The following MAP1B variants were observed in gnomAD, a reference collection of about 807,000 sequenced individuals.
The protein encoded by MAP1B is microtubule-associated protein 1B.
In MAP1B, 12 loss-of-function variants were observed where a neutral mutation model predicts 176.1. That is an observed-to-expected ratio of 0.07 (90% confidence interval 0.04 to 0.11). MAP1B has a LOEUF of 0.11. Among genes scored for constraint, MAP1B ranks in the 10% least tolerant of loss-of-function variants. MAP1B has a pLI of 1.00. For missense variants in MAP1B, 2,523 were observed against 2,990.5 expected, an observed-to-expected ratio of 0.84 and a Z score of 3.65; for synonymous variants, 1,044 against 1,135.0, an observed-to-expected ratio of 0.92 and a Z score of 1.61.
intron 2 of MAP1B, among the ~76,000 whole-genome samples, chr5:72,125,755 T>G (rs1745616745): frequency 6.6e-6 from 1 of 152,206 alleles, no homozygotes; most frequent in South Asian, 2.1e-4. Flanking sequence ...CAGATCCTAA[T>G]GCACTGAATC....
intron 4 of MAP1B, among the ~76,000 whole-genome samples, chr5:72,189,620 A>G (rs996725059): frequency 6.6e-6 from 1 of 152,052 alleles, no homozygotes; most frequent in African/African-American, 2.4e-5. Flanking sequence ...ACGTGCGGCT[A>G]GGAGTTCTAG....
chr5:72,192,824 G>A (rs139497503), intron 4 of MAP1B, among the ~76,000 whole-genome samples: 103 of 152,382 alleles, frequency 6.8e-4, no homozygotes, highest in African/African-American at 2.5e-3. Context: ...GCTAGGCTAA[G>A]ACCATGAAAT....
chr5:72,202,093 T>C (rs1459759580), intron 5 of MAP1B, among the ~76,000 whole-genome samples: 3 of 152,142 alleles, frequency 2.0e-5, no homozygotes, highest in Admixed American at 6.6e-5. Flanking sequence ...ATGAGTTAAT[T>C]TTCATTTATT....
At position 72,198,762 on chromosome 5, in the gene MAP1B, T is replaced by G; in HGVS notation, c.5407T>G (p.Ser1803Ala). 2 of 1,614,210 alleles carry G rather than the reference T, an allele frequency of 1.2e-6. No individual in the cohort carries two copies. Among genetic ancestry groups the G allele is most frequent in the Non-Finnish European group, 1.7e-6 (2 of 1,180,044 alleles). The change falls in exon 5 of 7, where the codon TCT becomes GCT. Residue 1803 changes from serine to alanine, a missense_variant. This residue lies in a region of MAP1B where 1,925 missense variants were observed against 2,126.0 expected (regional missense o/e 0.91). Coordinates refer to ENST00000296755, the MANE Select transcript of MAP1B (RefSeq NM_005909.5). ...SPLYSPTFSD[S>A]TSAVKEKTAT... ...TTTATATTCACCTACTTTTTCAGAT[T>G]CTACCTCTGCAGTCAAAGAGAAAAC...
intron 2 of MAP1B, among the ~76,000 whole-genome samples, chr5:72,178,779 T>A (rs1264857965): frequency 6.7e-6 from 1 of 149,168 alleles, no homozygotes; most frequent in Non-Finnish European, 1.5e-5. Flanking sequence ...TGTAGATGAA[T>A]GCTAAACTCT....
chr5:72,156,227 G>A (rs1245615231), intron 2 of MAP1B, among the ~76,000 whole-genome samples: 2 of 152,116 alleles, frequency 1.3e-5, no homozygotes, highest in Non-Finnish European at 2.9e-5. Context: ...CAACAGGAAA[G>A]CCCAGCCTGG....
At chr5:72,184,010 T>G (rs111602242) in intron 3 of MAP1B, among the ~76,000 whole-genome samples, 185 bp downstream of exon 3, 1 of 152,148 alleles carries the variant, frequency 6.6e-6, no homozygotes, top group African/African-American at 2.4e-5. Context: ...TCCAGACCAC[T>G]CCTCCTGATA....
At chr5:72,205,019 C>A in intron 6 of MAP1B, 65 bp from the exon 7 acceptor site, 3 of 1,381,908 alleles carry the variant, frequency 2.2e-6, no homozygotes, top group Non-Finnish European at 2.0e-6. Context: ...CCTTGCTATT[C>A]AATTTTTTTC....
chr5:72,191,478 T>C (rs1234146187), intron 4 of MAP1B, among the ~76,000 whole-genome samples: 3 of 152,342 alleles, frequency 2.0e-5, no homozygotes, highest in African/African-American at 7.2e-5. Context: ...CACTCTCTAC[T>C]GTGCTTGTTG....
At chr5:72,178,839 TAA>T (rs1430053854) in intron 2 of MAP1B, among the ~76,000 whole-genome samples, 1 of 148,960 alleles carries the variant, frequency 6.7e-6, no homozygotes, top group African/African-American at 2.5e-5. Flanking sequence ...ACATAGAAAA[TAA>T]TATTTTGCTT....
chr5:72,176,680 A>G (rs528351973), intron 2 of MAP1B, among the ~76,000 whole-genome samples: 1 of 152,306 alleles, frequency 6.6e-6, no homozygotes, highest in African/African-American at 2.4e-5. Context: ...CCTTGTATTC[A>G]GTCATTTTTG....
chr5:72,123,035 C>A (rs779768519), intron 2 of MAP1B, among the ~76,000 whole-genome samples: 13 of 152,202 alleles, frequency 8.5e-5, no homozygotes, highest in Non-Finnish European at 1.6e-4. Flanking sequence ...GCTTTTTGGT[C>A]TTCCTCTGGG....
Position 72,200,034 on chromosome 5 carries a change from A to G in MAP1B, c.6679A>G (p.Ile2227Val). The change falls in exon 5 of 7, where the codon ATT becomes GTT. Residue 2227 changes from isoleucine to valine, a missense_variant. This residue lies in a region of MAP1B where 287 missense variants were observed against 401.5 expected (regional missense o/e 0.71). Coordinates refer to ENST00000296755, the MANE Select transcript of MAP1B (RefSeq NM_005909.5). Reference protein sequence around the residue: ...VSMVDPEALAIEQNLGKALKK... With the variant: ...VSMVDPEALAVEQNLGKALKK... ...CATGGTGGACCCAGAGGCCTTGGCC[A>G]TTGAGCAGAACCTGGGCAAAGCTCT... 3 of 1,614,230 alleles carry G rather than the reference A, an allele frequency of 1.9e-6. No individual in the cohort carries two copies. The highest frequency in any genetic ancestry group is 1.6e-4 in the Middle Eastern group (1 of 6,062).
Position 72,186,617 on chromosome 5 carries a change from C to G in MAP1B, c.373C>G (p.Arg125Gly). The stretch of plus-strand genomic sequence containing the variant: ...TACGTTCTGTGCTTTATTTCAGGTG[C>G]GCTTAATGATCACTGATGCTGCCCG... ...PSDEAVSTEVRLMITDAARHK... is the reference protein window; with the variant it reads ...PSDEAVSTEVGLMITDAARHK... The change falls in exon 4 of 7, where the codon CGC becomes GGC. Residue 125 changes from arginine to glycine, a missense_variant. Physicochemically the swap from Arg to Gly is moderately radical, Grantham distance 125 (BLOSUM62 -2). Transcript: ENST00000296755. The surrounding 1 kb of genome is among the most constrained non-coding windows in gnomAD (Gnocchi z 4.3). The G allele has an allele frequency of 6.2e-7, 1 of 1,613,940 alleles. No homozygotes were observed. Among genetic ancestry groups the G allele is most frequent in the South Asian group, 1.1e-5 (1 of 91,066 alleles).
At chr5:72,122,928 T>A (rs574576351) in intron 2 of MAP1B, among the ~76,000 whole-genome samples, 5 of 152,266 alleles carry the variant, frequency 3.3e-5, no homozygotes, top group African/African-American at 1.2e-4. Flanking sequence ...AGAGAGCTCA[T>A]GATTTTTGTT....
At position 72,208,521 on chromosome 5, in the gene MAP1B, C is replaced by G. The variant is rs1747502826; in HGVS notation, c.*3282C>G. 1 of 152,194 alleles carries G rather than the reference C, an allele frequency of 6.6e-6. No individual in the cohort carries two copies. Among genetic ancestry groups the G allele is most frequent in the Non-Finnish European group, 1.5e-5 (1 of 68,044 alleles). 9.4% of individuals were successfully genotyped at this position (152,194 alleles called of 1,614,324 possible). Reference sequence around the variant, plus strand: ...AAACCCTGAGCCCTGTGCATGCTTTCTCAGTCTTGTGGTGGGACTGGATAC... The same window carrying G: ...AAACCCTGAGCCCTGTGCATGCTTTGTCAGTCTTGTGGTGGGACTGGATAC... On this transcript the variant is annotated 3_prime_UTR_variant, in exon 7 of 7. Coordinates refer to ENST00000296755, the MANE Select transcript of MAP1B (RefSeq NM_005909.5).
chr5:72,193,785 A>ATAG, intron 4 of MAP1B, 81 bp from the exon 5 acceptor site: 1 of 1,422,786 alleles, frequency 7.0e-7, no homozygotes, highest in Non-Finnish European at 9.4e-7. Context: ...CCTGTAACAC[A>ATAG]TAGTTATAGC....
Position 72,195,189 on chromosome 5 carries a change from G to C in MAP1B, c.1834G>C (p.Glu612Gln). Residue 612 changes from glutamate to glutamine, a missense_variant, in exon 5 of 7, where the codon GAG becomes CAG. Physicochemically the swap from Glu to Gln is conservative, Grantham distance 29. This residue lies in a region of MAP1B where 1,925 missense variants were observed against 2,126.0 expected (regional missense o/e 0.91). Transcript: ENST00000296755. ...VTEKEVPSKEEPSPVKAEVAE... is the reference protein window; with the variant it reads ...VTEKEVPSKEQPSPVKAEVAE... Reference sequence around the variant, plus strand: ...TGAAAAGGAGGTTCCCAGCAAAGAAGAGCCATCTCCAGTGAAAGCCGAGGT... The same window carrying C: ...TGAAAAGGAGGTTCCCAGCAAAGAACAGCCATCTCCAGTGAAAGCCGAGGT... 6.2e-7 allele frequency: 1 copy of C among 1,613,712 alleles called. No homozygotes were observed. The highest frequency in any genetic ancestry group is 2.2e-5 in the East Asian group (1 of 44,848).
At chr5:72,145,374 TAA>T (rs34274192) in intron 2 of MAP1B, among the ~76,000 whole-genome samples, 8 of 145,310 alleles carry the variant, frequency 5.5e-5, no homozygotes, top group African/African-American at 2.0e-4. Context: ...CCCATATGCT[TAA>T]AAAAAAAAAA....
Sources: allele counts gnomAD v4.1 joint callset (sites outside exome capture counted in the v4.1 genomes callset), GRCh38; gene constraint gnomAD v4.1.1; regional missense constraint gnomAD v4.1.1; non-coding constraint Gnocchi (gnomAD v3.1); transcripts MANE v1.5; gene names NCBI Gene and HGNC (gene_info 2026-07-23, HGNC 2026-07-21).